Variants in NUGGC observed in about 807,000 individuals in gnomAD.
The protein encoded by NUGGC is nuclear GTPase, germinal center associated.
In NUGGC, 58 loss-of-function variants were observed where a neutral mutation model predicts 92.6. The observed-to-expected ratio is 0.63, with a 90% CI of 0.51 to 0.78. NUGGC has a LOEUF of 0.78. Among genes scored for constraint, NUGGC ranks in the 30% least tolerant of loss-of-function variants. NUGGC has a pLI of 0.00. For missense variants in NUGGC, 925 were observed against 964.6 expected, an observed-to-expected ratio of 0.96 and a Z score of 0.54; for synonymous variants, 376 against 366.4, an observed-to-expected ratio of 1.03 and a Z score of -0.30.
chr8:28,069,534 T>C lies in NUGGC; in HGVS notation c.257+10A>G. The C allele has an allele frequency of 1.4e-6, 2 of 1,407,620 alleles. No homozygotes were observed. The highest frequency in any genetic ancestry group is 2.0e-6 in the Non-Finnish European group (2 of 996,868). The allele number at this position is 1,407,620 out of a possible 1,614,324, so 87.2% of individuals were successfully genotyped here. ...ACATAAAATTTCAGGGTTGCAGATTTCAGACTCACATGAGATACTTGACTC... is the reference window on the plus strand; with the variant it reads ...ACATAAAATTTCAGGGTTGCAGATTCCAGACTCACATGAGATACTTGACTC... On this transcript the variant is annotated intron_variant, in intron 4 of 18. Transcript: ENST00000413272.
chr8:28,063,383 C>T (rs1190071551), intron 7 of NUGGC, among the ~76,000 whole-genome samples: 1 of 152,226 alleles, frequency 6.6e-6, no homozygotes, highest in South Asian at 2.1e-4. Flanking sequence ...GCCCTGGCAG[C>T]CTTCCTGGGC....
intron 8 of NUGGC, among the ~76,000 whole-genome samples, chr8:28,059,794 G>A (rs148281217): frequency 1.3e-5 from 2 of 152,270 alleles, no homozygotes; most frequent in African/African-American, 4.8e-5. Flanking sequence ...GGCCAAGGCG[G>A]GCAGATCACC....
chr8:28,040,056 GGA>G (rs200723899), intron 13 of NUGGC, among the ~76,000 whole-genome samples: 1,692 of 152,256 alleles, frequency 0.011, 35 homozygotes, highest in African/African-American at 0.038. Flanking sequence ...CTCCAGAAGA[GGA>G]GAGAGGCCTC....
chr8:28,056,084 A>G (rs1810127285), intron 9 of NUGGC, 30 bp from the exon 10 acceptor site: 1 of 1,301,330 alleles, frequency 7.7e-7, no homozygotes, highest in Non-Finnish European at 1.1e-6. Flanking sequence ...AGAAGCATGC[A>G]GAGAGTAGCG....
chr8:28,070,972 A>T (rs1484300298), intron 2 of NUGGC, among the ~76,000 whole-genome samples: 2 of 151,766 alleles, frequency 1.3e-5, no homozygotes, highest in Non-Finnish European at 2.9e-5. Flanking sequence ...AACCTGGGTC[A>T]TACAAGACCC....
At chr8:28,066,334 G>C (rs1345257505) in intron 6 of NUGGC, among the ~76,000 whole-genome samples, 5 of 152,174 alleles carry the variant, frequency 3.3e-5, no homozygotes, top group Admixed American at 2.6e-4. Context: ...ATAGTAACAT[G>C]CTTTGAAAAG....
At chr8:28,040,942 GC>G (rs1216833421) in intron 13 of NUGGC, 108 bp downstream of exon 13, 2 of 1,128,972 alleles carry the variant, frequency 1.8e-6, no homozygotes, top group East Asian at 5.2e-5. Context: ...GCCATGCCCG[GC>G]CCGCTAACTC....
rs150407064 is a variant in NUGGC at position 28,028,439 on chromosome 8, C to G, written c.2154+827G>C. ...TGGAGGAGAGGAGATTGGGCAGAAA[C>G]AGGTTGGAGATGTTTCAAGAAGGCT... On this transcript the variant is annotated intron_variant, in intron 17 of 18. Coordinates refer to ENST00000413272, the MANE Select transcript of NUGGC (RefSeq NM_001010906.2). Among the ~76,000 whole-genome samples the G allele has an allele frequency of 2.9e-3, 445 of 152,282 alleles. 2 individuals carry two copies. The highest frequency in any genetic ancestry group is 0.01 in the African/African-American group (431 of 41,558).
chr8:28,071,325 A>C (rs961608140), intron 2 of NUGGC, among the ~76,000 whole-genome samples: 1 of 152,214 alleles, frequency 6.6e-6, no homozygotes, highest in Non-Finnish European at 1.5e-5. Context: ...AAAGAAAGCG[A>C]CTAGAAGCAG....
chr8:28,024,750 C>T (rs1444986817), intron 18 of NUGGC, among the ~76,000 whole-genome samples: 3 of 152,186 alleles, frequency 2.0e-5, no homozygotes, highest in Non-Finnish European at 2.9e-5. Flanking sequence ...TGTCCCATAT[C>T]TGGAAGGCCT....
intron 4 of NUGGC, among the ~76,000 whole-genome samples, chr8:28,068,989 T>C (rs1238347027): frequency 6.6e-6 from 1 of 152,200 alleles, no homozygotes; most frequent in African/African-American, 2.4e-5. Flanking sequence ...CCTCCCAAAG[T>C]GCTGAGATTA....
intron 7 of NUGGC, among the ~76,000 whole-genome samples, chr8:28,060,968 TTC>T (rs1484330186): frequency 1.2e-4 from 18 of 152,174 alleles, no homozygotes; most frequent in Admixed American, 6.5e-4. Flanking sequence ...GTCTGCACCT[TTC>T]CTCTTGGGAT....
chr8:28,048,606 G>A (rs769390193), intron 10 of NUGGC, among the ~76,000 whole-genome samples: 4 of 152,102 alleles, frequency 2.6e-5, no homozygotes, highest in African/African-American at 9.7e-5. Context: ...GTTCACACCT[G>A]TAATCCTAGC....
At chr8:28,067,802 A>C in intron 5 of NUGGC, 58 bp from the exon 6 acceptor site, 4 of 1,355,898 alleles carry the variant, frequency 3.0e-6, no homozygotes, top group Non-Finnish European at 4.2e-6. Context: ...AACACCGACA[A>C]ACAGAGGGGC....
In NUGGC at chr8:28,068,250, T is replaced by G; in HGVS notation, c.446A>C (p.Gln149Pro). 6.4e-7 allele frequency: 1 copy of G among 1,550,526 alleles called. No individual in the cohort carries two copies. The highest frequency in any genetic ancestry group is 8.7e-7 in the Non-Finnish European group (1 of 1,147,062). Reference sequence around the variant, plus strand: ...CAGAAGGTGGATTTTGGCCTCATACTGCACACAGCAGCCAGAGCTCACTTG... The same window carrying G: ...CAGAAGGTGGATTTTGGCCTCATACGGCACACAGCAGCCAGAGCTCACTTG... Reference protein sequence around the residue: ...IVQVSSGCCVQYEAKIHLLSD... With the variant: ...IVQVSSGCCVPYEAKIHLLSD... The change falls in exon 5 of 19, where the codon CAG becomes CCG. Residue 149 changes from glutamine to proline, a missense_variant. Coordinates refer to ENST00000413272, the MANE Select transcript of NUGGC (RefSeq NM_001010906.2).
chr8:28,074,333 A>G, intron 2 of NUGGC, 35 bp downstream of exon 2: 1 of 1,449,552 alleles, frequency 6.9e-7, no homozygotes, highest in East Asian at 2.3e-5. Context: ...ATCAGTTCCT[A>G]TATCCTCCAT....
At chr8:28,073,753 G>A (rs541842004) in intron 2 of NUGGC, among the ~76,000 whole-genome samples, 4 of 152,220 alleles carry the variant, frequency 2.6e-5, no homozygotes, top group Admixed American at 2.0e-4. Context: ...CAGGGGTCTT[G>A]TAAGACAGGC....
Position 28,060,431 on chromosome 8 carries a change from G to A in NUGGC, c.1092C>T (p.Tyr364=), listed in dbSNP as rs1563226247. 6.2e-6 allele frequency: 10 copies of A among 1,613,498 alleles called. No individual in the cohort carries two copies. Among genetic ancestry groups the A allele is most frequent in the Non-Finnish European group, 6.8e-6 (8 of 1,179,706 alleles). The change falls in exon 8 of 19, where the codon TAC becomes TAT. Residue 364 remains tyrosine (Y), a synonymous_variant. Coordinates refer to ENST00000413272, the MANE Select transcript of NUGGC (RefSeq NM_001010906.2). ...TKMDKLHLPE[Y]LRERKAGNQA... ...TTGCAAGCCCAGCACAATACCTTAG[G>A]TATTCTGGCAAGTGGAGTTTGTCCA...
intron 14 of NUGGC, among the ~76,000 whole-genome samples, chr8:28,032,707 C>G (rs60047958): frequency 7.1e-6 from 1 of 140,058 alleles, no homozygotes; most frequent in Non-Finnish European, 1.5e-5. Flanking sequence ...GGCGACAGAG[C>G]GAGACTCCAT....
Sources: allele counts gnomAD v4.1 joint callset (sites outside exome capture counted in the v4.1 genomes callset), GRCh38; gene constraint gnomAD v4.1.1; transcripts MANE v1.5; gene names NCBI Gene and HGNC (gene_info 2026-07-23, HGNC 2026-07-21).